The following ROBO1 variants were observed in gnomAD, a reference collection of about 807,000 sequenced individuals.
ROBO1 encodes the protein roundabout guidance receptor 1, also known as roundabout homolog 1.
ROBO1 carries 149 observed loss-of-function variants against 195.9 expected under a neutral mutation model. The observed-to-expected ratio is 0.76, with a 90% CI of 0.67 to 0.87. ROBO1 has a LOEUF of 0.87. Ranked by LOEUF, ROBO1 falls within the 40% of genes least tolerant of loss-of-function variation. The pLI, the probability that ROBO1 is intolerant of heterozygous loss-of-function variation, is 0.00. For synonymous variants in ROBO1, 816 were observed against 733.2 expected (o/e 1.11, Z -1.82); for missense variants, 1,933 against 2,068.3 (o/e 0.93, Z 1.27).
rs774991528 is a variant in ROBO1, at chr3:78,617,945, C to G, written c.3972G>C (p.Thr1324=). 6.2e-7 allele frequency: 1 copy of G among 1,613,956 alleles called. No individual in the cohort carries two copies. The highest frequency in any genetic ancestry group is 1.1e-5 in the South Asian group (1 of 91,082). ...CGTCTTCTTCCTCTTCTGGCGCATC[C>G]GTATCCATATCTGAGACCAGGGGTC... is the stretch of plus-strand genomic sequence containing the variant. The part of the protein sequence containing the change: ...ISGPLVSDMD[T]DAPEEEEDEA... Residue 1324 remains threonine (T), a synonymous_variant, in exon 27 of 31, where the codon ACG becomes ACC. Transcript: ENST00000464233.
At chr3:79,317,121 CAA>C (rs2033769509) in intron 2 of ROBO1, among the ~76,000 whole-genome samples, 1 of 152,020 alleles carries the variant, frequency 6.6e-6, no homozygotes, top group South Asian at 2.1e-4. Flanking sequence ...GAGAATTGAC[CAA>C]ATAAGAATTC....
At chr3:78,648,973 C>T (rs2107607935) in intron 19 of ROBO1, among the ~76,000 whole-genome samples, 1 of 152,188 alleles carries the variant, frequency 6.6e-6, no homozygotes, top group African/African-American at 2.4e-5. Flanking sequence ...AACCTCAGTG[C>T]TGTGTCCCCA....
chr3:79,156,287 A>C (rs2108650679), intron 2 of ROBO1, among the ~76,000 whole-genome samples: 1 of 151,572 alleles, frequency 6.6e-6, no homozygotes, highest in Admixed American at 6.6e-5. Flanking sequence ...AGGTTTTGGT[A>C]ATATTTATTG....
intron 2 of ROBO1, among the ~76,000 whole-genome samples, chr3:79,179,112 T>C (rs908769378): frequency 6.6e-6 from 1 of 152,138 alleles, no homozygotes; most frequent in African/African-American, 2.4e-5. Context: ...CCTCAAACGA[T>C]GTTTCAAAGA....
chr3:79,051,381 C>A (rs1233304679), intron 3 of ROBO1, among the ~76,000 whole-genome samples: 2 of 152,120 alleles, frequency 1.3e-5, no homozygotes, highest in East Asian at 3.9e-4. Flanking sequence ...TCTGAATAGA[C>A]AAATAACAGG....
chr3:79,323,278 CATCATGTTGGCCAGGCTGGTCTTGA>C (rs1384417968), intron 2 of ROBO1, among the ~76,000 whole-genome samples: 1 of 152,060 alleles, frequency 6.6e-6, no homozygotes, highest in Non-Finnish European at 1.5e-5. Context: ...GACGGGGTTT[CATCATGTTGGCCAGGCTGGTCTTGA>C]ACTCTTGACC....
intron 2 of ROBO1, among the ~76,000 whole-genome samples, chr3:79,514,819 TA>T (rs1378584701): frequency 6.6e-6 from 1 of 152,190 alleles, no homozygotes; most frequent in African/African-American, 2.4e-5. Flanking sequence ...ACTTAAGTAT[TA>T]TGAACTACTC....
chr3:79,036,237 T>C (rs919148836), intron 3 of ROBO1, among the ~76,000 whole-genome samples: 7 of 152,150 alleles, frequency 4.6e-5, no homozygotes, highest in Admixed American at 2.0e-4. Context: ...TCTTTTCTCT[T>C]CTTTACAAGT....
chr3:79,733,922 A>G (rs1038948336), intron 1 of ROBO1, among the ~76,000 whole-genome samples: 2 of 150,564 alleles, frequency 1.3e-5, no homozygotes, highest in African/African-American at 4.9e-5. Context: ...GATAAGACTC[A>G]CTATCATCAC....
At chr3:78,892,588 TATC>T (rs532184747) in intron 4 of ROBO1, among the ~76,000 whole-genome samples, 201 of 152,060 alleles carry the variant, frequency 1.3e-3, no homozygotes, top group African/African-American at 4.6e-3. Context: ...AAGAAGTGTT[TATC>T]ATCATCATCA....
At chr3:79,590,746 AAAGTAAGATGGTATGT>A (rs1484106174) in intron 1 of ROBO1, among the ~76,000 whole-genome samples, 1 of 151,770 alleles carries the variant, frequency 6.6e-6, no homozygotes, top group African/African-American at 2.4e-5. Flanking sequence ...CCAAATTTTC[AAAGTAAGATGGTATGT>A]ATATACATAA....
chr3:78,845,426 CAT>C (rs1337204695), intron 4 of ROBO1, among the ~76,000 whole-genome samples: 4 of 151,990 alleles, frequency 2.6e-5, no homozygotes, highest in East Asian at 3.9e-4. Context: ...TAAAATTACA[CAT>C]GTGGCTCATA....
intron 4 of ROBO1, among the ~76,000 whole-genome samples, chr3:78,885,953 A>T (rs1008943620): frequency 1.4e-5 from 2 of 145,674 alleles, no homozygotes; most frequent in African/African-American, 5.0e-5. Context: ...ATACATATAT[A>T]TTTTTTTAAG....
chr3:79,084,185 T>C (rs2079325227), intron 3 of ROBO1, among the ~76,000 whole-genome samples: 1 of 152,172 alleles, frequency 6.6e-6, no homozygotes, highest in African/African-American at 2.4e-5. Context: ...TCATTTAATC[T>C]TAAGTTTTCT....
intron 2 of ROBO1, among the ~76,000 whole-genome samples, chr3:79,365,747 A>G (rs1480250157): frequency 2.0e-5 from 3 of 151,882 alleles, no homozygotes; most frequent in African/African-American, 4.8e-5. Flanking sequence ...AATACAAAAA[A>G]TTATCCGGGC....
intron 29 of ROBO1, among the ~76,000 whole-genome samples, 197 bp downstream of exon 29, chr3:78,606,536 C>T (rs758659884): frequency 1.3e-5 from 2 of 152,154 alleles, no homozygotes; most frequent in African/African-American, 2.4e-5. Flanking sequence ...TCAGTTGGCA[C>T]CTCTCCAGGT....
At chr3:79,462,172 C>A (rs187111375) in intron 2 of ROBO1, among the ~76,000 whole-genome samples, 1 of 151,962 alleles carries the variant, frequency 6.6e-6, no homozygotes, top group Non-Finnish European at 1.5e-5. Context: ...AAGATGAGAA[C>A]CCTCATTCAC....
intron 3 of ROBO1, among the ~76,000 whole-genome samples, chr3:78,948,774 CA>C (rs1174015973): frequency 3.3e-5 from 5 of 152,196 alleles, no homozygotes; most frequent in African/African-American, 1.2e-4. Context: ...CCCATCGTCT[CA>C]GCCCAAAATC....
intron 2 of ROBO1, among the ~76,000 whole-genome samples, chr3:79,557,374 C>T (rs538208796): frequency 3.8e-4 from 58 of 152,040 alleles, no homozygotes; most frequent in African/African-American, 1.3e-3. Context: ...TCTTCATTCA[C>T]TTCATTTTAA....
Sources: allele counts gnomAD v4.1 joint callset (sites outside exome capture counted in the v4.1 genomes callset), GRCh38; gene constraint gnomAD v4.1.1; transcripts MANE v1.5; gene names NCBI Gene and HGNC (gene_info 2026-07-23, HGNC 2026-07-21).